Variants in OCA2 observed in about 807,000 individuals in gnomAD.
OCA2 encodes the protein P protein.
OCA2 carries 77 observed loss-of-function variants against 100.2 expected under a neutral mutation model. The ratio of observed to expected loss-of-function variants is 0.77; its 90% CI spans 0.64 to 0.93. OCA2 has a LOEUF of 0.93. Ranked by LOEUF, OCA2 falls within the 40% of genes least tolerant of loss-of-function variation. The pLI is 0.00. For missense variants in OCA2, 1,062 were observed against 1,089.1 expected (o/e 0.98, Z 0.35); for synonymous variants, 432 against 439.2 (o/e 0.98, Z 0.21).
At chr15:27,990,437 T>A in intron 10 of OCA2, 139 bp downstream of exon 10, 2 of 836,440 alleles carry the variant, frequency 2.4e-6, no homozygotes, top group Admixed American at 3.4e-5. Flanking sequence ...AGTTCATACC[T>A]CTAGCATGGT....
At chr15:27,982,117 T>C (rs4778135) in intron 14 of OCA2, among the ~76,000 whole-genome samples, 35,825 of 152,064 alleles carry the variant, frequency 0.24, 6,186 homozygotes, top group East Asian at 0.85. Context: ...GGCCCTGTTA[T>C]TCCATGTTGG....
At chr15:27,935,943 T>A (rs2039435363) in intron 18 of OCA2, among the ~76,000 whole-genome samples, 1 of 152,138 alleles carries the variant, frequency 6.6e-6, no homozygotes, top group Non-Finnish European at 1.5e-5. Context: ...ACAGGATGCA[T>A]CTCCAGAGAG....
intron 23 of OCA2, among the ~76,000 whole-genome samples, chr15:27,816,443 C>A (rs1435602415): frequency 6.6e-6 from 1 of 152,168 alleles, no homozygotes; most frequent in Non-Finnish European, 1.5e-5. Context: ...AAGTAGCCAC[C>A]AGGCGCCTTA....
rs1340664356 is a variant in OCA2, at chr15:28,032,294, G to A, written c.228-131C>T. 1.3e-5 allele frequency: 10 copies of A among 765,416 alleles called. No homozygotes were observed. In the East Asian group the frequency reaches 2.3e-4, roughly 18 times the overall value. The allele number at this position is 765,416 out of a possible 1,614,324, so 47.4% of individuals were successfully genotyped here. A position where few individuals can be genotyped will look rare whatever the true frequency, so the allele number is the denominator to read the frequency against. On this transcript the variant is annotated intron_variant, in intron 2 of 23. Coordinates refer to ENST00000354638, the MANE Select transcript of OCA2 (RefSeq NM_000275.3). ...ATCTTACAAGGAAATTTGCCTAAGG[G>A]TCTGTCTGAATTGTAAAAGGCTGAA...
intron 21 of OCA2, among the ~76,000 whole-genome samples, chr15:27,864,008 G>A (rs8025167): frequency 0.016 from 2,430 of 152,112 alleles, 57 homozygotes; most frequent in African/African-American, 0.051. Context: ...GGGGTCTGGC[G>A]GTGTAGTGGC....
At chr15:27,816,979 G>A (rs78114576) in intron 23 of OCA2, among the ~76,000 whole-genome samples, 5,724 of 152,220 alleles carry the variant, frequency 0.038, 151 homozygotes, top group Middle Eastern at 0.078. Context: ...TCTCCGCTCA[G>A]GTCAGGCGCT....
At chr15:27,836,928 A>G (rs2035175679) in intron 23 of OCA2, among the ~76,000 whole-genome samples, 1 of 152,248 alleles carries the variant, frequency 6.6e-6, no homozygotes, top group African/African-American at 2.4e-5. Context: ...ACCACAAAAG[A>G]AAACAAAATG....
chr15:28,088,955 C>T (rs992658321), intron 1 of OCA2, among the ~76,000 whole-genome samples: 8 of 152,154 alleles, frequency 5.3e-5, no homozygotes, highest in African/African-American at 9.7e-5. Flanking sequence ...GGGAGCACTA[C>T]GGGAGACCAG....
intron 23 of OCA2, among the ~76,000 whole-genome samples, chr15:27,765,281 A>C (rs1432228713): frequency 1.3e-5 from 2 of 152,158 alleles, no homozygotes; most frequent in African/African-American, 4.8e-5. Context: ...AGTTTTGCCC[A>C]GGCCTTTCCT....
chr15:27,805,773 C>T (rs1233800099), intron 23 of OCA2, among the ~76,000 whole-genome samples: 2 of 152,078 alleles, frequency 1.3e-5, no homozygotes, highest in South Asian at 4.1e-4. Flanking sequence ...CCGCGCCCCC[C>T]ACATCCAGGT....
chr15:27,848,862 G>C (rs1425918395), intron 22 of OCA2, among the ~76,000 whole-genome samples: 1 of 110,300 alleles, frequency 9.1e-6, no homozygotes, highest in Admixed American at 8.9e-5. Flanking sequence ...AGCAGCCTTA[G>C]GGTTTGAACA....
At chr15:27,995,960 G>A (rs751093313) in intron 9 of OCA2, among the ~76,000 whole-genome samples, 7 of 152,008 alleles carry the variant, frequency 4.6e-5, no homozygotes, top group Non-Finnish European at 1.0e-4. Context: ...CTACAGGCAA[G>A]CACCACCATG....
At chr15:28,079,765 C>T (rs1401193685) in intron 2 of OCA2, among the ~76,000 whole-genome samples, 2 of 152,134 alleles carry the variant, frequency 1.3e-5, no homozygotes, top group Admixed American at 1.3e-4. Flanking sequence ...ACCCCCTCCC[C>T]GTGCCCTGCG....
intron 18 of OCA2, among the ~76,000 whole-genome samples, chr15:27,934,943 G>A (rs191505359): frequency 4.6e-5 from 7 of 152,200 alleles, no homozygotes; most frequent in South Asian, 2.1e-4. Context: ...GCATAAGCTC[G>A]TCTGCTTGGT....
chr15:28,072,847 G>C (rs530211265), intron 2 of OCA2, among the ~76,000 whole-genome samples: 10 of 152,138 alleles, frequency 6.6e-5, no homozygotes, highest in Non-Finnish European at 1.2e-4. Flanking sequence ...ATGCACTGCC[G>C]GTGGGAATGC....
At position 27,910,025 on chromosome 15, in the gene OCA2, C is replaced by T. The variant is rs560435011; in HGVS notation, c.2079+16102G>A. Reference sequence around the variant, plus strand: ...ACCCTTGAACAGTGTGAAACAAAGACGCAATCGAAAAACAGGACACTGACA... The same window carrying T: ...ACCCTTGAACAGTGTGAAACAAAGATGCAATCGAAAAACAGGACACTGACA... On this transcript the variant is annotated intron_variant, in intron 19 of 23. Coordinates refer to ENST00000354638, the MANE Select transcript of OCA2 (RefSeq NM_000275.3). Among the ~76,000 whole-genome samples, 51 of 151,970 alleles carry T rather than the reference C, an allele frequency of 3.4e-4. 1 individual carries two copies. Among genetic ancestry groups the T allele is most frequent in the Admixed American group, 7.9e-4 (12 of 15,272 alleles).
chr15:27,792,887 CA>C (rs1274840203), intron 23 of OCA2, among the ~76,000 whole-genome samples: 1 of 152,208 alleles, frequency 6.6e-6, no homozygotes, highest in Non-Finnish European at 1.5e-5. Context: ...AGGGGAAAAG[CA>C]GCGCCCTGTG....
chr15:27,774,659 A>C (rs2032085846), intron 23 of OCA2, among the ~76,000 whole-genome samples: 2 of 152,324 alleles, frequency 1.3e-5, no homozygotes, highest in South Asian at 2.1e-4. Flanking sequence ...GGACCTCAGA[A>C]TTCCACTGGA....
At chr15:27,846,429 T>G (rs1484307757) in intron 22 of OCA2, among the ~76,000 whole-genome samples, 1 of 152,116 alleles carries the variant, frequency 6.6e-6, no homozygotes, top group African/African-American at 2.4e-5. Context: ...TAAACCCTAC[T>G]AACTCCAGGA....
Sources: gnomAD v4.1 joint callset for allele counts (sites outside exome capture counted in the v4.1 genomes callset) on GRCh38, gnomAD v4.1.1 for gene constraint, MANE v1.5 for transcripts, NCBI Gene and HGNC (gene_info 2026-07-23, HGNC 2026-07-21) for gene names.